KSR2: variants seen among roughly 807,000 people sequenced by gnomAD.
KSR2 encodes kinase suppressor of ras 2.
A neutral mutation model predicts 107.8 loss-of-function variants in KSR2; 25 were observed. That is an observed-to-expected ratio of 0.23 (90% CI 0.17 to 0.32). The LOEUF is 0.32. Ranked by LOEUF, KSR2 falls within the 10% of genes least tolerant of loss-of-function variation. The pLI, the probability that KSR2 is intolerant of heterozygous loss-of-function variation, is 1.00. For synonymous variants in KSR2, 480 were observed against 507.0 expected, an observed-to-expected ratio of 0.95 and a Z score of 0.71; for missense variants, 887 against 1,268.9, an observed-to-expected ratio of 0.70 and a Z score of 4.57.
intron 5 of KSR2, among the ~76,000 whole-genome samples, chr12:117,654,579 CTT>C (rs1201562313): frequency 1.3e-5 from 2 of 152,174 alleles, no homozygotes; most frequent in Non-Finnish European, 2.9e-5. Flanking sequence ...TGGTTGTGGA[CTT>C]TGCCTGGAAG....
At chr12:117,523,695 C>G (rs925055175) in intron 14 of KSR2, among the ~76,000 whole-genome samples, 4 of 152,178 alleles carry the variant, frequency 2.6e-5, no homozygotes, top group Non-Finnish European at 4.4e-5. Context: ...TAACACTTAT[C>G]AGAATCTTGG....
At position 117,648,399 on chromosome 12, in the gene KSR2, C is replaced by T. The variant is rs575195135; in HGVS notation, c.1171+19075G>A. ...ATCCTTCATCTCTGATGACCCCTAA[C>T]GTCCTCAATCTGGATTCACTGAGTA... On this transcript the variant is annotated intron_variant, in intron 5 of 19. Coordinates refer to ENST00000339824, the MANE Select transcript of KSR2 (RefSeq NM_173598.6). Among the ~76,000 whole-genome samples, 93 of 152,318 alleles carry T rather than the reference C, an allele frequency of 6.1e-4. 1 individual carries two copies. Among genetic ancestry groups the T allele is most frequent in the African/African-American group, 2.2e-3 (90 of 41,572 alleles).
intron 1 of KSR2, among the ~76,000 whole-genome samples, chr12:117,937,672 G>C (rs1895886372): frequency 6.6e-6 from 1 of 151,666 alleles, no homozygotes; most frequent in Admixed American, 6.6e-5. Context: ...CTCCAGATGA[G>C]CCTGAGCCAG....
At chr12:117,688,621 T>C (rs1406122150) in intron 4 of KSR2, among the ~76,000 whole-genome samples, 1 of 152,174 alleles carries the variant, frequency 6.6e-6, no homozygotes, top group Non-Finnish European at 1.5e-5. Flanking sequence ...TTTCACATGC[T>C]AGTGTCTGCT....
chr12:117,724,593 G>A (rs1451283165), intron 4 of KSR2, among the ~76,000 whole-genome samples: 4 of 46,188 alleles, frequency 8.7e-5, no homozygotes, highest in East Asian at 3.9e-4. Context: ...CCCACCCCCG[G>A]CCGCCTGCAG....
At chr12:117,952,155 T>TCACACACACACACACACACA (rs112314585) in intron 1 of KSR2, among the ~76,000 whole-genome samples, 1 of 147,310 alleles carries the variant, frequency 6.8e-6, no homozygotes, top group African/African-American at 2.5e-5. Context: ...AATGTTCTCA[T>TCACACACACACACACACACA]CACACACACA....
chr12:117,799,638 G>A (rs1162042644), intron 3 of KSR2, among the ~76,000 whole-genome samples: 3 of 152,164 alleles, frequency 2.0e-5, no homozygotes, highest in African/African-American at 7.2e-5. Flanking sequence ...AGAGGGTTGG[G>A]ATCAGGGATC....
At chr12:117,521,398 G>A (rs774271636) in intron 14 of KSR2, among the ~76,000 whole-genome samples, 2 of 152,162 alleles carry the variant, frequency 1.3e-5, no homozygotes, top group Non-Finnish European at 2.9e-5. Flanking sequence ...AAGGTAGACG[G>A]GTGAGAGACA....
Position 117,453,750 on chromosome 12 carries a change from C to T in KSR2, c.*13449G>A, listed in dbSNP as rs879720384. On this transcript the variant is annotated 3_prime_UTR_variant, in exon 20 of 20. Transcript: ENST00000339824. ...AGAAATGAGAGGCTTGGGGTGGAAACGTTGACCACCTAAGTCTGGGATCTT... is the reference window on the plus strand; with the variant it reads ...AGAAATGAGAGGCTTGGGGTGGAAATGTTGACCACCTAAGTCTGGGATCTT... 9 of 152,122 alleles carry T rather than the reference C, an allele frequency of 5.9e-5. No homozygotes were observed. The highest frequency in any genetic ancestry group is 1.0e-4 in the Non-Finnish European group (7 of 68,040). The allele number at this position is 152,122 out of a possible 1,614,324, so 9.4% of individuals were successfully genotyped here.
intron 5 of KSR2, among the ~76,000 whole-genome samples, chr12:117,638,358 G>A (rs994982113): frequency 1.3e-5 from 2 of 152,066 alleles, no homozygotes; most frequent in Non-Finnish European, 2.9e-5. Context: ...GAAGAGCCAC[G>A]TCCATGGGCC....
At chr12:117,717,964 G>A (rs1283311817) in intron 4 of KSR2, among the ~76,000 whole-genome samples, 5 of 152,136 alleles carry the variant, frequency 3.3e-5, no homozygotes, top group Non-Finnish European at 5.9e-5. Flanking sequence ...AAGCTACCAA[G>A]GAGCAGGGGG....
chr12:117,697,137 G>A (rs750027993), intron 4 of KSR2, among the ~76,000 whole-genome samples: 2 of 152,162 alleles, frequency 1.3e-5, no homozygotes, highest in African/African-American at 2.4e-5. Flanking sequence ...CCTCCCCCTC[G>A]AGATGGAAGG....
chr12:117,866,484 C>A (rs542799262), intron 1 of KSR2, among the ~76,000 whole-genome samples: 10 of 152,278 alleles, frequency 6.6e-5, no homozygotes, highest in South Asian at 6.2e-4. Context: ...ACTAGTTTTC[C>A]ATTACAATAG....
chr12:117,745,771 T>C (rs1052403870), intron 4 of KSR2, among the ~76,000 whole-genome samples: 2 of 152,068 alleles, frequency 1.3e-5, no homozygotes, highest in African/African-American at 4.8e-5. Context: ...ATCACAAGCA[T>C]TCCTATACAC....
chr12:117,727,076 T>C (rs1166557137), intron 4 of KSR2, among the ~76,000 whole-genome samples: 1 of 152,054 alleles, frequency 6.6e-6, no homozygotes, highest in East Asian at 1.9e-4. Context: ...TAATGACTGG[T>C]CTTCTTATAA....
At chr12:117,571,504 C>G (rs757804055) in intron 7 of KSR2, among the ~76,000 whole-genome samples, 3 of 152,068 alleles carry the variant, frequency 2.0e-5, no homozygotes, top group African/African-American at 4.8e-5. Flanking sequence ...GTCTCAGGTA[C>G]CTGGGTGAGG....
chr12:117,601,146 A>T (rs777442608), intron 5 of KSR2, among the ~76,000 whole-genome samples: 32 of 152,144 alleles, frequency 2.1e-4, no homozygotes, highest in Non-Finnish European at 3.7e-4. Flanking sequence ...TAAGTTCCTC[A>T]TAGGATCAAC....
intron 1 of KSR2, among the ~76,000 whole-genome samples, chr12:117,861,130 T>C (rs1055438916): frequency 6.6e-6 from 1 of 152,124 alleles, no homozygotes; most frequent in African/African-American, 2.4e-5. Context: ...CTGTTTGCAA[T>C]AGCAAAGGAC....
chr12:117,458,847 G>A lies in KSR2; in HGVS notation c.*8352C>T, dbSNP rs1870754995. On this transcript the variant is annotated 3_prime_UTR_variant, in exon 20 of 20. Coordinates refer to ENST00000339824, the MANE Select transcript of KSR2 (RefSeq NM_173598.6). ...TCAGGGAAGAAACCAAAGAGCAATTGGAGTCAGGCTCCTTTTCCTGCCCTT... is the reference window on the plus strand; with the variant it reads ...TCAGGGAAGAAACCAAAGAGCAATTAGAGTCAGGCTCCTTTTCCTGCCCTT... 6.6e-6 allele frequency: 1 copy of A among 152,166 alleles called. No individual in the cohort carries two copies. Among genetic ancestry groups the A allele is most frequent in the South Asian group, 2.1e-4 (1 of 4,816 alleles). The allele number at this position is 152,166 out of a possible 1,614,324, so 9.4% of individuals were successfully genotyped here.
Sources: gnomAD v4.1 joint callset for allele counts (sites outside exome capture counted in the v4.1 genomes callset) on GRCh38, gnomAD v4.1.1 for gene constraint, MANE v1.5 for transcripts, NCBI Gene and HGNC (gene_info 2026-07-23, HGNC 2026-07-21) for gene names.